The following TNFSF12 variants were observed in gnomAD, a reference collection of about 807,000 sequenced individuals.
The protein encoded by TNFSF12 is tumor necrosis factor ligand superfamily member 12.
A neutral mutation model predicts 31.2 loss-of-function variants in TNFSF12; 16 were observed. The observed-to-expected ratio is 0.51, with a 90% confidence interval of 0.35 to 0.78. The LOEUF (loss-of-function observed/expected upper bound fraction) is 0.78. TNFSF12 is among the 30% of genes least tolerant of loss of function. The pLI, the probability that TNFSF12 is intolerant of heterozygous loss-of-function variation, is 0.01. For synonymous variants in TNFSF12, 150 were observed against 151.4 expected (o/e 0.99, Z 0.07); for missense variants, 324 against 338.8 (o/e 0.96, Z 0.34).
chr17:7,557,580 A>C lies in TNFSF12; in HGVS notation c.*230A>C. 1.0e-4 allele frequency: 57 copies of C among 560,442 alleles called. No homozygotes were observed. The highest frequency in any genetic ancestry group is 3.0e-4 in the East Asian group (9 of 29,636). 34.7% of individuals were successfully genotyped at this position (560,442 alleles called of 1,614,324 possible). A position where few individuals can be genotyped will look rare whatever the true frequency, so the allele number is the denominator to read the frequency against. On this transcript the variant is annotated 3_prime_UTR_variant, in exon 7 of 7. Transcript: ENST00000293825. This position sits in a 1 kb window ranked among gnomAD's most constrained non-coding sequence, Gnocchi z 5.2. ...CACTCTCCACCTCACTAGCTCCCCAATCCCTGACCCTTTGAGGCCCCCAGT... is the reference window on the plus strand; with the variant it reads ...CACTCTCCACCTCACTAGCTCCCCACTCCCTGACCCTTTGAGGCCCCCAGT...
chr17:7,551,676 T>A (rs1455073252), intron 5 of TNFSF12, among the ~76,000 whole-genome samples: 1 of 152,018 alleles, frequency 6.6e-6, no homozygotes, highest in Non-Finnish European at 1.5e-5. Context: ...AGCCGAGGGG[T>A]TCACAGCAGA....
chr17:7,557,495 T>C lies in TNFSF12; in HGVS notation c.*145T>C. The C allele has an allele frequency of 8.8e-7, 1 of 1,140,658 alleles. No homozygotes were observed. Among genetic ancestry groups the C allele is most frequent in the Non-Finnish European group, 1.2e-6 (1 of 832,028 alleles). The allele number at this position is 1,140,658 out of a possible 1,614,324, so 70.7% of individuals were successfully genotyped here. On this transcript the variant is annotated 3_prime_UTR_variant, in exon 7 of 7. Coordinates refer to ENST00000293825, the MANE Select transcript of TNFSF12 (RefSeq NM_003809.3). The surrounding 1 kb of genome is among the most constrained non-coding windows in gnomAD (Gnocchi z 5.2). ...TAGAGGCTGCCTGGGCCTGTTCACG[T>C]GTTTTCCATCCCACATAAATACAGT...
In TNFSF12 at chr17:7,557,175, T is replaced by C; in HGVS notation, c.575T>C (p.Leu192Pro). The C allele has an allele frequency of 6.2e-7, 1 of 1,612,526 alleles. No individual in the cohort carries two copies. Among genetic ancestry groups the C allele is most frequent in the Non-Finnish European group, 8.5e-7 (1 of 1,178,906 alleles). The change falls in exon 7 of 7, where the codon CTG becomes CCG. Residue 192 changes from leucine to proline, a missense_variant. By Grantham distance (98) the Leu-to-Pro change is moderately conservative. Transcript: ENST00000293825. This position sits in a 1 kb window ranked among gnomAD's most constrained non-coding sequence, Gnocchi z 5.2. ...LVDGVLALRC[L>P]EEFSATAASS... ...GATGGTGTGCTGGCCCTGCGCTGCC[T>C]GGAGGAATTCTCAGCCACTGCGGCG...
intron 5 of TNFSF12, among the ~76,000 whole-genome samples, chr17:7,552,958 C>A (rs141409724): frequency 6.9e-5 from 10 of 144,952 alleles, no homozygotes; most frequent in Non-Finnish European, 1.3e-4. Flanking sequence ...ATAGTTAGAA[C>A]AGGAAGGCAG....
At chr17:7,556,365 T>C (rs964411346) in intron 5 of TNFSF12, among the ~76,000 whole-genome samples, 5 of 152,234 alleles carry the variant, frequency 3.3e-5, no homozygotes, top group African/African-American at 1.2e-4. Flanking sequence ...TTCCATTATA[T>C]GGATAGACAT....
intron 5 of TNFSF12, among the ~76,000 whole-genome samples, chr17:7,555,155 A>AAC (rs2150907577): frequency 6.6e-6 from 1 of 151,494 alleles, no homozygotes; most frequent in East Asian, 2.0e-4. Flanking sequence ...CTCAAAAAAA[A>AAC]ATTTGTAATT....
chr17:7,549,491 G>T lies in TNFSF12; in HGVS notation c.177G>T (p.Glu59Asp), dbSNP rs868687352. 2 of 1,548,154 alleles carry T rather than the reference G, an allele frequency of 1.3e-6. No individual in the cohort carries two copies. The highest frequency in any genetic ancestry group is 2.4e-5 in the East Asian group (1 of 41,892). Reference protein sequence around the residue: ...SLSAQEPAQEELVAEEDQDPS... With the variant: ...SLSAQEPAQEDLVAEEDQDPS... ...CCCAGCAGGAGCCTGCCCAGGAGGA[G>T]CTGGTGGCAGAGGAGGACCAGGACC... The change falls in exon 2 of 7, where the codon GAG becomes GAT. Residue 59 changes from glutamate to aspartate, a missense_variant. Physicochemically the swap from Glu to Asp is conservative, Grantham distance 45 (BLOSUM62 2). Coordinates refer to ENST00000293825, the MANE Select transcript of TNFSF12 (RefSeq NM_003809.3). This position sits in a 1 kb window ranked among gnomAD's most constrained non-coding sequence, Gnocchi z 4.1.
At chr17:7,553,732 G>A in intron 5 of TNFSF12, 1 of 1,249,168 alleles carries the variant, frequency 8.0e-7, no homozygotes. Context: ...CCATGCAGGG[G>A]CCACATCCAA....
At chr17:7,551,650 G>A (rs2071002595) in intron 5 of TNFSF12, among the ~76,000 whole-genome samples, 1 of 152,178 alleles carries the variant, frequency 6.6e-6, no homozygotes. Flanking sequence ...GAGGCAGGGA[G>A]GCATGAGGAG....
intron 5 of TNFSF12, among the ~76,000 whole-genome samples, chr17:7,553,402 A>G (rs1430196710): frequency 1.3e-5 from 2 of 152,168 alleles, no homozygotes; most frequent in Non-Finnish European, 2.9e-5. Context: ...GAAATAGGCC[A>G]GTAGGTGGAG....
chr17:7,551,977 G>C (rs2071005874), intron 5 of TNFSF12, among the ~76,000 whole-genome samples: 1 of 151,960 alleles, frequency 6.6e-6, no homozygotes, highest in Admixed American at 6.6e-5. Context: ...GTAGAGATGG[G>C]GTTTTGCCAT....
chr17:7,555,743 G>A (rs925883042), intron 5 of TNFSF12, among the ~76,000 whole-genome samples: 4 of 152,104 alleles, frequency 2.6e-5, no homozygotes, highest in African/African-American at 9.7e-5. Flanking sequence ...AGGGAGGCTT[G>A]AATATCCCCC....
Position 7,550,180 on chromosome 17 carries a change from C to A in TNFSF12, c.268C>A (p.Arg90=). 3 of 1,614,098 alleles carry A rather than the reference C, an allele frequency of 1.9e-6. No individual in the cohort carries two copies. The highest frequency in any genetic ancestry group is 2.2e-5 in the South Asian group (2 of 91,082). Residue 90 remains arginine, a synonymous_variant, in exon 3 of 7, where the codon CGG becomes AGG. Coordinates refer to ENST00000293825, the MANE Select transcript of TNFSF12 (RefSeq NM_003809.3). This position sits in a 1 kb window ranked among gnomAD's most constrained non-coding sequence, Gnocchi z 4.4. Reference sequence around the variant, plus strand: ...TGCGCCTTTCCTGAACCGACTAGTTCGGCCTCGCAGAAGTGGTGAGCATCC... The same window carrying A: ...TGCGCCTTTCCTGAACCGACTAGTTAGGCCTCGCAGAAGTGGTGAGCATCC... ...DPAPFLNRLV[R]PRRSAPKGRK...
At chr17:7,555,628 G>A (rs113931994) in intron 5 of TNFSF12, among the ~76,000 whole-genome samples, 91 of 152,322 alleles carry the variant, frequency 6.0e-4, no homozygotes, top group African/African-American at 2.1e-3. Context: ...AGGGAATGCT[G>A]TGAAAACCAG....
chr17:7,549,426 A>G lies in TNFSF12; in HGVS notation c.160-48A>G. ...GGGAAGGGAGGATGGGTGGAGGGTG[A>G]GATGTCAGGTGGAGCGGCACAGGGT... On this transcript the variant is annotated intron_variant, in intron 1 of 6. Transcript: ENST00000293825. The surrounding 1 kb of genome is among the most constrained non-coding windows in gnomAD (Gnocchi z 4.1). The G allele has an allele frequency of 6.9e-7, 1 of 1,450,964 alleles. No homozygotes were observed. The highest frequency in any genetic ancestry group is 1.4e-5 in the South Asian group (1 of 71,972). The allele number at this position is 1,450,964 out of a possible 1,614,324, so 89.9% of individuals were successfully genotyped here.
chr17:7,557,528 CTCTTA>C lies in TNFSF12; in HGVS notation c.*184_*188del, dbSNP rs1315755008. 18 of 874,796 alleles carry C rather than the reference CTCTTA, an allele frequency of 2.1e-5. No individual in the cohort carries two copies. Among genetic ancestry groups the C allele is most frequent in the Middle Eastern group, 3.6e-4 (1 of 2,800 alleles). The allele number at this position is 874,796 out of a possible 1,614,324, so 54.2% of individuals were successfully genotyped here. A position where few individuals can be genotyped will look rare whatever the true frequency, so the allele number is the denominator to read the frequency against. ...ATCCCACATAAATACAGTATTCCCA[CTCTTA>C]TCTTACAACTCCCCCACCGCCCACT... On this transcript the variant is annotated 3_prime_UTR_variant, in exon 7 of 7. Transcript: ENST00000293825. This position sits in a 1 kb window ranked among gnomAD's most constrained non-coding sequence, Gnocchi z 5.2.
In TNFSF12 at chr17:7,556,775, C is replaced by T; in HGVS notation, c.374-3C>T. The stretch of plus-strand genomic sequence containing the variant: ...TTCCTTATCTCTGAGCATCCGTGTT[C>T]AGGTGTGGACGGGACAGTGAGTGGC... On this transcript the variant is annotated splice_polypyrimidine_tract_variant and splice_region_variant and intron_variant, in intron 5 of 6. Transcript: ENST00000293825. 2 of 1,506,102 alleles carry T rather than the reference C, an allele frequency of 1.3e-6. No individual in the cohort carries two copies. The highest frequency in any genetic ancestry group is 1.8e-6 in the Non-Finnish European group (2 of 1,125,870). 93.3% of individuals were successfully genotyped at this position (1,506,102 alleles called of 1,614,324 possible).
intron 5 of TNFSF12, among the ~76,000 whole-genome samples, chr17:7,555,982 G>GTTTTTTTTTTTTTTTTTTTTT (rs1167470187): frequency 8.5e-6 from 1 of 117,734 alleles, no homozygotes; most frequent in Non-Finnish European, 1.7e-5. Flanking sequence ...CGTTTTTTTT[G>GTTTTTTTTTTTTTTTTTTTTT]TTTTTTTTTT....
Sources: gnomAD v4.1 joint callset for allele counts (sites outside exome capture counted in the v4.1 genomes callset) on GRCh38, gnomAD v4.1.1 for gene constraint, Gnocchi (gnomAD v3.1) non-coding constraint, MANE v1.5 for transcripts, NCBI Gene and HGNC (gene_info 2026-07-23, HGNC 2026-07-21) for gene names.